The following KIF15 variants were observed in gnomAD, a reference collection of about 807,000 sequenced individuals.
KIF15 encodes the protein kinesin family member 15.
A neutral mutation model predicts 190.6 loss-of-function variants in KIF15; 140 were observed. That is an observed-to-expected ratio of 0.73 (90% CI 0.64 to 0.84). KIF15 has a LOEUF of 0.84. Among genes scored for constraint, KIF15 ranks in the 40% least tolerant of loss-of-function variants. The pLI is 0.00. For missense variants in KIF15, 1,372 were observed against 1,584.4 expected, an observed-to-expected ratio of 0.87 and a Z score of 2.28; for synonymous variants, 528 against 551.3, an observed-to-expected ratio of 0.96 and a Z score of 0.59.
chr3:44,794,250 G>T lies in KIF15; in HGVS notation c.673G>T (p.Ala225Ser). 3 of 1,613,806 alleles carry T rather than the reference G, an allele frequency of 1.9e-6. No homozygotes were observed. In the South Asian group the frequency reaches 3.3e-5, roughly 18 times the overall value. ...TGGAGGATGGAGGAATAGACGTGTG[G>T]CATCAACATCAATGAACAGAGAATC... ...LSGGWRNRRV[A>S]STSMNRESSR... The change falls in exon 8 of 35, where the codon GCA becomes TCA. Residue 225 changes from alanine (A) to serine (S), a missense_variant. Transcript: ENST00000326047.
At chr3:44,786,681 G>A (rs774281713) in intron 7 of KIF15, 107 bp downstream of exon 7, 6 of 754,676 alleles carry the variant, frequency 8.0e-6, no homozygotes, top group South Asian at 2.7e-5. Context: ...TGTCATAAAG[G>A]CATAATACAG....
At position 44,830,091 on chromosome 3, in the gene KIF15, A is replaced by G; in HGVS notation, c.3048+16A>G. On this transcript the variant is annotated intron_variant, in intron 25 of 34. Transcript: ENST00000326047. ...GGACATAAATGTAAGTTCGGTCACC[A>G]ACAAGATGTTAAATTTGAGCATGGG... 7.0e-7 allele frequency: 1 copy of G among 1,427,984 alleles called. No individual in the cohort carries two copies. The highest frequency in any genetic ancestry group is 9.6e-7 in the Non-Finnish European group (1 of 1,044,836). 88.5% of individuals were successfully genotyped at this position (1,427,984 alleles called of 1,614,324 possible). A position where few individuals can be genotyped will look rare whatever the true frequency, so the allele number is the denominator to read the frequency against.
At chr3:44,807,767 T>G (rs1707583919) in intron 16 of KIF15, among the ~76,000 whole-genome samples, 1 of 152,100 alleles carries the variant, frequency 6.6e-6, no homozygotes, top group Admixed American at 6.6e-5. Context: ...GGAAAAAATG[T>G]TCTCCCCCTT....
chr3:44,802,668 T>A, intron 13 of KIF15, 146 bp from the exon 14 acceptor site: 2 of 691,788 alleles, frequency 2.9e-6, no homozygotes, highest in Admixed American at 6.6e-5. Context: ...TGATCACAAA[T>A]GCCAAGTTGC....
chr3:44,828,108 G>T (rs1697774997), intron 23 of KIF15, 106 bp from the exon 24 acceptor site: 1 of 740,424 alleles, frequency 1.4e-6, no homozygotes. Context: ...ATTACTCCTA[G>T]CATAGACTCT....
At position 44,796,094 on chromosome 3, in the gene KIF15, C is replaced by T. The variant is rs554720273; in HGVS notation, c.850-1457C>T. On this transcript the variant is annotated intron_variant, in intron 8 of 34. Transcript: ENST00000326047. ...GCCAGGCTGGTCTTGAACTCCTGAC[C>T]TCAGGTGATCCACCCTCCTTGGCCT... is the stretch of plus-strand genomic sequence containing the variant. 1.3e-3 allele frequency among the ~76,000 whole-genome samples: 194 copies of T among 152,344 alleles called. 3 individuals carry two copies. The highest frequency in any genetic ancestry group is 4.0e-3 in the African/African-American group (167 of 41,574).
intron 7 of KIF15, among the ~76,000 whole-genome samples, chr3:44,792,737 G>A (rs1328577691): frequency 6.6e-6 from 1 of 151,852 alleles, no homozygotes; most frequent in Non-Finnish European, 1.5e-5. Flanking sequence ...TAGCGGAGAC[G>A]GGGTTTCACC....
chr3:44,814,820 C>G, intron 19 of KIF15, 91 bp from the exon 20 acceptor site: 2 of 997,194 alleles, frequency 2.0e-6, no homozygotes, highest in African/African-American at 1.7e-5. Flanking sequence ...GTCTCTTCGA[C>G]TTGATTTTGC....
At chr3:44,777,691 TAAATAA>T (rs1705957724) in intron 3 of KIF15, among the ~76,000 whole-genome samples, 1 of 152,054 alleles carries the variant, frequency 6.6e-6, no homozygotes, top group Non-Finnish European at 1.5e-5. Context: ...ATCTCAAAAA[TAAATAA>T]AAATAAACAG....
At position 44,848,519 on chromosome 3, in the gene KIF15, A is replaced by T; in HGVS notation, c.3769-2A>T. 1 of 1,117,524 alleles carries T rather than the reference A, an allele frequency of 8.9e-7. No individual in the cohort carries two copies. Among genetic ancestry groups the T allele is most frequent in the Non-Finnish European group, 1.3e-6 (1 of 761,352 alleles). 69.2% of individuals were successfully genotyped at this position (1,117,524 alleles called of 1,614,324 possible). A position where few individuals can be genotyped will look rare whatever the true frequency, so the allele number is the denominator to read the frequency against. On this transcript the variant is annotated splice_acceptor_variant, in intron 31 of 34. Transcript: ENST00000326047. LOFTEE classifies it high-confidence loss of function. ...TATTTTCTTTTTTTAATCTTCTTATAGAGTAAAATAGTTGAAGAAATGCTG... is the reference window on the plus strand; with the variant it reads ...TATTTTCTTTTTTTAATCTTCTTATTGAGTAAAATAGTTGAAGAAATGCTG...
At position 44,761,828 on chromosome 3, in the gene KIF15, C is replaced by T. The variant is rs184678594; in HGVS notation, c.-38C>T. ...CGGTGCAGTCGGGAGGTGGAGGCAC[C>T]GGCTGCATTGTTTTCGGGATCGAGG... On this transcript the variant is annotated 5_prime_UTR_variant, in exon 1 of 35. Transcript: ENST00000326047. The T allele has an allele frequency of 1.2e-6, 2 of 1,614,076 alleles. No homozygotes were observed. Among genetic ancestry groups the T allele is most frequent in the East Asian group, 2.2e-5 (1 of 44,874 alleles).
intron 5 of KIF15, among the ~76,000 whole-genome samples, chr3:44,781,198 C>T (rs954562345): frequency 2.6e-5 from 4 of 152,132 alleles, no homozygotes; most frequent in Admixed American, 2.6e-4. Flanking sequence ...TGTTTATACA[C>T]CTGTATAACC....
chr3:44,798,646 C>T (rs1707112398), intron 10 of KIF15, among the ~76,000 whole-genome samples: 1 of 152,154 alleles, frequency 6.6e-6, no homozygotes, highest in South Asian at 2.1e-4. Flanking sequence ...TCAAGCAGTC[C>T]TCCTGCCTCA....
In KIF15 at chr3:44,840,655, ATTTTTTTT is replaced by A. The variant is rs60621752; in HGVS notation, c.3420+221_3420+228del. ...ATTAGAATAATAAGCTAAGCAGCGG[ATTTTTTTT>A]TTTTTTTTTTTTTTTTTTTTTGGCA... On this transcript the variant is annotated intron_variant, in intron 28 of 34. Transcript: ENST00000326047. 1.7e-3 allele frequency among the ~76,000 whole-genome samples: 117 copies of A among 67,082 alleles called. 3 individuals are homozygous for A. In the Admixed American group the frequency reaches 0.02, roughly 11 times the overall value. 44.0% of individuals were successfully genotyped at this position (67,082 alleles called of 152,430 possible).
At chr3:44,765,611 G>A (rs1358837866) in intron 1 of KIF15, among the ~76,000 whole-genome samples, 4 of 152,128 alleles carry the variant, frequency 2.6e-5, no homozygotes, top group Non-Finnish European at 4.4e-5. Context: ...GGCATAAATT[G>A]TCTTACAAAC....
intron 26 of KIF15, among the ~76,000 whole-genome samples, chr3:44,831,441 G>A (rs1006614771): frequency 2.0e-5 from 3 of 152,052 alleles, no homozygotes; most frequent in Non-Finnish European, 4.4e-5. Context: ...CTGACACCAC[G>A]TTAACTTCCT....
intron 17 of KIF15, among the ~76,000 whole-genome samples, chr3:44,811,331 A>G (rs1228802413): frequency 1.3e-5 from 2 of 152,200 alleles, no homozygotes; most frequent in African/African-American, 4.8e-5. Context: ...TTTATATAGC[A>G]AAGTGCTGTA....
chr3:44,845,283 T>A (rs1698791940), intron 30 of KIF15, among the ~76,000 whole-genome samples: 1 of 151,960 alleles, frequency 6.6e-6, no homozygotes, highest in African/African-American at 2.4e-5. Flanking sequence ...TTGGTGGGAG[T>A]AACAACTTTG....
At chr3:44,779,970 G>T (rs1706089877) in intron 4 of KIF15, among the ~76,000 whole-genome samples, 1 of 151,998 alleles carries the variant, frequency 6.6e-6, no homozygotes, top group Admixed American at 6.6e-5. Flanking sequence ...TAGTTTTGGG[G>T]GGCATTTAAT....
Sources: allele counts gnomAD v4.1 joint callset (sites outside exome capture counted in the v4.1 genomes callset), GRCh38; gene constraint gnomAD v4.1.1; transcripts MANE v1.5; gene names NCBI Gene and HGNC (gene_info 2026-07-23, HGNC 2026-07-21).